Variants in MDGA2 observed in about 807,000 individuals in gnomAD.
MDGA2 encodes MAM domain-containing glycosylphosphatidylinositol anchor protein 2.
A neutral mutation model predicts 117.8 loss-of-function variants in MDGA2; 40 were observed. That is an observed-to-expected ratio of 0.34 (90% CI 0.26 to 0.44). The LOEUF (loss-of-function observed/expected upper bound fraction) is 0.44. Ranked by LOEUF, MDGA2 falls within the 20% of genes least tolerant of loss-of-function variation. MDGA2 has a pLI of 1.00. For synonymous variants in MDGA2, 452 were observed against 439.0 expected, an observed-to-expected ratio of 1.03 and a Z score of -0.37; for missense variants, 1,123 against 1,250.6, an observed-to-expected ratio of 0.90 and a Z score of 1.54.
At chr14:46,890,899 A>G (rs1463446179) in intron 10 of MDGA2, among the ~76,000 whole-genome samples, 1 of 152,130 alleles carries the variant, frequency 6.6e-6, no homozygotes, top group African/African-American at 2.4e-5. Context: ...TACATAAATT[A>G]AGGGTGTTAT....
chr14:47,255,422 T>A (rs188851604), intron 2 of MDGA2, among the ~76,000 whole-genome samples: 27 of 152,252 alleles, frequency 1.8e-4, no homozygotes, highest in African/African-American at 4.6e-4. Flanking sequence ...TATAACATGA[T>A]CAGATTTGTG....
At chr14:47,315,250 C>T (rs1276554041) in intron 1 of MDGA2, among the ~76,000 whole-genome samples, 2 of 152,030 alleles carry the variant, frequency 1.3e-5, no homozygotes, top group Admixed American at 1.3e-4. Flanking sequence ...TATCTGGATC[C>T]ACTATATTTT....
chr14:47,371,340 A>T (rs1314075409), intron 1 of MDGA2, among the ~76,000 whole-genome samples: 1 of 151,836 alleles, frequency 6.6e-6, no homozygotes, highest in Non-Finnish European at 1.5e-5. Context: ...TACTACTTAA[A>T]GTCTCAAATA....
intron 8 of MDGA2, among the ~76,000 whole-genome samples, chr14:47,001,371 A>C (rs1887524949): frequency 6.6e-6 from 1 of 152,102 alleles, no homozygotes; most frequent in Non-Finnish European, 1.5e-5. Context: ...GAGGAGTTAA[A>C]GCAACAAAAC....
chr14:47,496,921 C>A (rs2138665223), intron 1 of MDGA2, among the ~76,000 whole-genome samples: 1 of 152,018 alleles, frequency 6.6e-6, no homozygotes, highest in African/African-American at 2.4e-5. Context: ...ACTGTTCCAC[C>A]TCAGATCATC....
intron 5 of MDGA2, among the ~76,000 whole-genome samples, chr14:47,118,596 A>C (rs76828159): frequency 0.018 from 2,817 of 152,290 alleles, 37 homozygotes; most frequent in Non-Finnish European, 0.028. Context: ...TAGAGCAAAA[A>C]CAAAAAATAC....
At chr14:47,025,964 C>A (rs968817884) in intron 8 of MDGA2, among the ~76,000 whole-genome samples, 5 of 152,084 alleles carry the variant, frequency 3.3e-5, no homozygotes, top group Non-Finnish European at 7.4e-5. Flanking sequence ...AAATACGCCT[C>A]TAGTAGTCCC....
intron 2 of MDGA2, among the ~76,000 whole-genome samples, chr14:47,225,918 C>A (rs191323196): frequency 1.3e-5 from 2 of 152,150 alleles, no homozygotes; most frequent in East Asian, 3.9e-4. Context: ...ATTACCACCA[C>A]CACTACTACT....
intron 2 of MDGA2, among the ~76,000 whole-genome samples, chr14:47,280,400 T>C (rs564692970): frequency 1.0e-4 from 15 of 149,894 alleles, no homozygotes; most frequent in African/African-American, 3.7e-4. Context: ...GCAAGTTAAT[T>C]CTTGTGTACA....
rs568363017 is a variant in MDGA2 at position 47,107,665 on chromosome 14, G to A, written c.926-10542C>T. On this transcript the variant is annotated intron_variant, in intron 5 of 16. Coordinates refer to ENST00000399232, the MANE Select transcript of MDGA2 (RefSeq NM_001113498.3). ...CGTGCTCTCCCTGCCGATCGTGTCC[G>A]ACTGATCTCTCAAACCCAAGCACCT... Among the ~76,000 whole-genome samples the A allele has an allele frequency of 5.3e-5, 8 of 151,196 alleles. No individual in the cohort carries two copies. In the East Asian group the frequency reaches 7.8e-4, roughly 15 times the overall value.
At chr14:47,256,377 T>C (rs905129835) in intron 2 of MDGA2, among the ~76,000 whole-genome samples, 1 of 152,140 alleles carries the variant, frequency 6.6e-6, no homozygotes, top group African/African-American at 2.4e-5. Context: ...CAGTCAGGAA[T>C]TTATCCACGA....
At chr14:47,578,959 TATATGA>T (rs1896177601) in intron 1 of MDGA2, among the ~76,000 whole-genome samples, 2 of 152,270 alleles carry the variant, frequency 1.3e-5, no homozygotes, top group African/African-American at 4.8e-5. Context: ...TAGGTCAAAG[TATATGA>T]ATATCTTACC....
chr14:47,410,235 C>G (rs1892344672), intron 1 of MDGA2, among the ~76,000 whole-genome samples: 1 of 151,912 alleles, frequency 6.6e-6, no homozygotes, highest in African/African-American at 2.4e-5. Flanking sequence ...CTGGAATGAG[C>G]CTTGTGTCTT....
chr14:47,396,801 G>A (rs1892020595), intron 1 of MDGA2, among the ~76,000 whole-genome samples: 1 of 152,170 alleles, frequency 6.6e-6, no homozygotes, highest in African/African-American at 2.4e-5. Context: ...TCTCATGCCG[G>A]TTAGAATGGC....
At chr14:47,652,429 C>T (rs997907967) in intron 1 of MDGA2, among the ~76,000 whole-genome samples, 2 of 152,134 alleles carry the variant, frequency 1.3e-5, no homozygotes, top group Non-Finnish European at 2.9e-5. Flanking sequence ...ATCAGAAACA[C>T]ATGAATGTTC....
At chr14:46,862,152 C>T (rs1881536114) in intron 14 of MDGA2, among the ~76,000 whole-genome samples, 1 of 151,798 alleles carries the variant, frequency 6.6e-6, no homozygotes. Context: ...TTCTATAGTT[C>T]TAGAATATAA....
chr14:46,989,088 A>G (rs1427834049), intron 8 of MDGA2, among the ~76,000 whole-genome samples: 2 of 152,128 alleles, frequency 1.3e-5, no homozygotes, highest in South Asian at 2.1e-4. Context: ...AAAATTACTC[A>G]TTACATGCAC....
intron 1 of MDGA2, among the ~76,000 whole-genome samples, chr14:47,482,938 G>A (rs1183837416): frequency 2.0e-5 from 3 of 150,970 alleles, no homozygotes; most frequent in African/African-American, 4.8e-5. Context: ...GGAAAGAGAC[G>A]TTTTGAATTT....
intron 1 of MDGA2, among the ~76,000 whole-genome samples, chr14:47,582,792 T>C (rs893371881): frequency 6.6e-6 from 1 of 151,904 alleles, no homozygotes; most frequent in Non-Finnish European, 1.5e-5. Flanking sequence ...CTCAATAAAA[T>C]TGTACTTTAT....
Sources: gnomAD v4.1 joint callset for allele counts (sites outside exome capture counted in the v4.1 genomes callset) on GRCh38, gnomAD v4.1.1 for gene constraint, MANE v1.5 for transcripts, NCBI Gene and HGNC (gene_info 2026-07-23, HGNC 2026-07-21) for gene names.